Variants in LRRC4C observed in about 807,000 individuals in gnomAD.
LRRC4C encodes leucine rich repeat containing 4C, also known as leucine-rich repeat-containing protein 4C.
Under a neutral mutation model 33.6 loss-of-function variants are expected in LRRC4C, and 5 were observed. The observed-to-expected ratio is 0.15, with a 90% CI of 0.08 to 0.31. LRRC4C has a LOEUF of 0.31. Ranked by LOEUF, LRRC4C falls within the 10% of genes least tolerant of loss-of-function variation. The probability of loss-of-function intolerance (pLI) is 1.00; values close to 1 mark genes in which losing one functional copy is unlikely to be tolerated. For synonymous variants in LRRC4C, 329 were observed against 302.0 expected (o/e 1.09, Z -0.93); for missense variants, 560 against 796.7 (o/e 0.70, Z 3.58).
intron 5 of LRRC4C, among the ~76,000 whole-genome samples, chr11:40,185,703 A>C (rs546971230): frequency 6.6e-6 from 1 of 152,322 alleles, no homozygotes; most frequent in Admixed American, 6.5e-5. Flanking sequence ...ACAAAGAAAG[A>C]GCACGAGAGG....
At chr11:40,354,979 C>G (rs1947589027) in intron 3 of LRRC4C, among the ~76,000 whole-genome samples, 1 of 152,016 alleles carries the variant, frequency 6.6e-6, no homozygotes, top group African/African-American at 2.4e-5. Flanking sequence ...TTGGGTCTTA[C>G]CCAAGGCCCA....
At chr11:41,245,830 A>C (rs1948429527) in intron 1 of LRRC4C, among the ~76,000 whole-genome samples, 1 of 152,200 alleles carries the variant, frequency 6.6e-6, no homozygotes, top group Non-Finnish European at 1.5e-5. Context: ...ATTGAGTGAC[A>C]GAACACCTTA....
chr11:41,064,788 G>A (rs1285970019), intron 1 of LRRC4C, among the ~76,000 whole-genome samples: 1 of 152,322 alleles, frequency 6.6e-6, no homozygotes, highest in African/African-American at 2.4e-5. Context: ...GAAGCAGGGT[G>A]GGGCATTGCT....
chr11:40,617,232 A>G (rs1832104069), intron 3 of LRRC4C, among the ~76,000 whole-genome samples: 1 of 151,738 alleles, frequency 6.6e-6, no homozygotes, highest in South Asian at 2.1e-4. Flanking sequence ...TTATTATTGT[A>G]TGTGTGATGT....
At chr11:40,538,558 G>A (rs1443986259) in intron 3 of LRRC4C, among the ~76,000 whole-genome samples, 1 of 152,162 alleles carries the variant, frequency 6.6e-6, no homozygotes, top group African/African-American at 2.4e-5. Flanking sequence ...TTGGTTCCAA[G>A]TCTTTGCTAT....
chr11:40,337,751 T>C (rs1449523742), intron 3 of LRRC4C, among the ~76,000 whole-genome samples: 1 of 152,178 alleles, frequency 6.6e-6, no homozygotes, highest in Non-Finnish European at 1.5e-5. Flanking sequence ...TCATAGGGGT[T>C]TGTCGTACAG....
intron 6 of LRRC4C, among the ~76,000 whole-genome samples, chr11:40,124,458 G>T (rs1047611766): frequency 2.6e-5 from 4 of 152,154 alleles, no homozygotes; most frequent in African/African-American, 9.7e-5. Context: ...TATATACAAT[G>T]AAGTTCTATT....
intron 2 of LRRC4C, among the ~76,000 whole-genome samples, chr11:40,925,028 G>T (rs1189211422): frequency 6.6e-6 from 1 of 152,000 alleles, no homozygotes; most frequent in Non-Finnish European, 1.5e-5. Flanking sequence ...TCTTTCTTCT[G>T]GGTTGTTTCT....
chr11:40,771,957 A>T (rs1321975883), intron 2 of LRRC4C, among the ~76,000 whole-genome samples: 2 of 152,164 alleles, frequency 1.3e-5, no homozygotes, highest in Non-Finnish European at 2.9e-5. Flanking sequence ...TCTTCTTCTG[A>T]GCCCACCAAA....
intron 1 of LRRC4C, among the ~76,000 whole-genome samples, chr11:41,356,210 T>C (rs1952154565): frequency 6.6e-6 from 1 of 152,130 alleles, no homozygotes; most frequent in Non-Finnish European, 1.5e-5. Context: ...AAAACATTTA[T>C]CAAAAAATGC....
intron 3 of LRRC4C, among the ~76,000 whole-genome samples, chr11:40,364,422 T>C (rs1948115186): frequency 6.6e-6 from 1 of 152,102 alleles, no homozygotes; most frequent in African/African-American, 2.4e-5. Context: ...TTAAAGGTAG[T>C]TAATATGTTG....
intron 1 of LRRC4C, among the ~76,000 whole-genome samples, chr11:40,961,701 G>A (rs1251274104): frequency 1.3e-5 from 2 of 151,636 alleles, no homozygotes; most frequent in African/African-American, 4.8e-5. Context: ...TTGAAGAGTT[G>A]TGTAAAGAAT....
intron 3 of LRRC4C, among the ~76,000 whole-genome samples, chr11:40,633,374 TCTCTCTTTCTTTCTTTC>T (rs1565581096): frequency 2.8e-5 from 1 of 36,342 alleles, no homozygotes; most frequent in Non-Finnish European, 5.9e-5. Context: ...TCTTTCTTTC[TCTCTCTTTCTTTCTTTC>T]TTTCTTTTTT....
intron 2 of LRRC4C, among the ~76,000 whole-genome samples, chr11:40,873,851 CT>C (rs1954761692): frequency 6.6e-6 from 1 of 152,154 alleles, no homozygotes; most frequent in Non-Finnish European, 1.5e-5. Flanking sequence ...TAATAAACAT[CT>C]TCCATGTTTC....
intron 1 of LRRC4C, among the ~76,000 whole-genome samples, chr11:41,190,502 C>G (rs528119087): frequency 1.8e-4 from 28 of 152,190 alleles, no homozygotes; most frequent in Middle Eastern, 6.8e-3. Flanking sequence ...GGTGCTCAGC[C>G]TAGGTCGCAG....
chr11:40,139,318 T>G (rs1211228175), intron 6 of LRRC4C, among the ~76,000 whole-genome samples: 1 of 152,184 alleles, frequency 6.6e-6, no homozygotes, highest in East Asian at 1.9e-4. Flanking sequence ...CACAGACATT[T>G]TTTGGACTGC....
At chr11:40,598,945 C>A (rs755783913) in intron 3 of LRRC4C, among the ~76,000 whole-genome samples, 29 of 152,202 alleles carry the variant, frequency 1.9e-4, no homozygotes, top group African/African-American at 6.3e-4. Flanking sequence ...AAAATTCAAA[C>A]CCCTACATGG....
intron 2 of LRRC4C, among the ~76,000 whole-genome samples, chr11:40,869,441 A>G (rs1249998094): frequency 2.0e-5 from 3 of 152,118 alleles, no homozygotes; most frequent in African/African-American, 7.2e-5. Context: ...AATTGGTCAC[A>G]GCCAGCGCCA....
At chr11:41,401,690 G>A (rs1381216100) in intron 1 of LRRC4C, among the ~76,000 whole-genome samples, 1 of 151,850 alleles carries the variant, frequency 6.6e-6, no homozygotes, top group Non-Finnish European at 1.5e-5. Flanking sequence ...TGAAATTTTG[G>A]ACAGCTTTTT....
Sources: allele counts gnomAD v4.1 joint callset (sites outside exome capture counted in the v4.1 genomes callset), GRCh38; gene constraint gnomAD v4.1.1; transcripts MANE v1.5; gene names NCBI Gene and HGNC (gene_info 2026-07-23, HGNC 2026-07-21).